SCML4: variants seen among roughly 807,000 people sequenced by gnomAD.
The protein encoded by SCML4 is Scm polycomb group protein like 4.
A neutral mutation model predicts 41.1 loss-of-function variants in SCML4; 34 were observed. The observed-to-expected ratio is 0.83, with a 90% confidence interval of 0.63 to 1.10. SCML4 has a LOEUF of 1.10. Ranked by LOEUF, SCML4 falls within the 50% of genes least tolerant of loss-of-function variation. The pLI, the probability that SCML4 is intolerant of heterozygous loss-of-function variation, is 0.00. For missense variants in SCML4, 522 were observed against 534.1 expected (o/e 0.98, Z 0.22); for synonymous variants, 214 against 220.9 (o/e 0.97, Z 0.28).
intron 1 of SCML4, among the ~76,000 whole-genome samples, chr6:107,816,618 G>A (rs1784567692): frequency 6.6e-6 from 1 of 152,208 alleles, no homozygotes; most frequent in African/African-American, 2.4e-5. Flanking sequence ...GAAGGATAGA[G>A]TCCTGTGCTG....
intron 1 of SCML4, among the ~76,000 whole-genome samples, chr6:107,820,338 T>A (rs1040890842): frequency 1.3e-5 from 2 of 152,194 alleles, no homozygotes; most frequent in Non-Finnish European, 2.9e-5. Context: ...CCTGAGGCTG[T>A]CCCTGAATGC....
chr6:107,841,689 T>G, the SCML4 span, among the ~76,000 whole-genome samples: 1 of 152,208 alleles, frequency 6.6e-6, no homozygotes, highest in Non-Finnish European at 1.5e-5. Flanking sequence ...TCATAAGCAC[T>G]CAATAAATGT....
intron 5 of SCML4, among the ~76,000 whole-genome samples, chr6:107,724,807 C>T (rs1463168765): frequency 6.6e-6 from 1 of 152,160 alleles, no homozygotes; most frequent in Non-Finnish European, 1.5e-5. Context: ...GCAAGGGACA[C>T]AGAATAGCCA....
rs1782526498 is a variant in SCML4 at position 107,793,933 on chromosome 6, C to T, written c.-59-21547G>A. On this transcript the variant is annotated intron_variant, in intron 1 of 7. Transcript: ENST00000369020. Reference sequence around the variant, plus strand: ...CAGCCTGGGCGACAGAGTGTGAGACCCTGTCTCAAAACAAAACTAAACTAA... The same window carrying T: ...CAGCCTGGGCGACAGAGTGTGAGACTCTGTCTCAAAACAAAACTAAACTAA... Among the ~76,000 whole-genome samples, 3 of 151,966 alleles carry T rather than the reference C, an allele frequency of 2.0e-5. No homozygotes were observed. In the South Asian group the frequency reaches 6.2e-4, roughly 32 times the overall value.
chr6:107,744,599 A>G, intron 5 of SCML4, among the ~76,000 whole-genome samples: 1 of 152,204 alleles, frequency 6.6e-6, no homozygotes, highest in Admixed American at 6.5e-5. Context: ...CTACTCAACA[A>G]TGACAAATGC....
intron 2 of SCML4, 76 bp from the exon 3 acceptor site, chr6:107,749,889 G>T: frequency 6.7e-7 from 1 of 1,489,998 alleles, no homozygotes; most frequent in Non-Finnish European, 9.3e-7. Context: ...GTCCTAGACG[G>T]CAGTTAACCA....
At position 107,703,343 on chromosome 6, in the gene SCML4, C is replaced by T. The variant is rs886539799; in HGVS notation, c.*1857G>A. 1.3e-5 allele frequency among the ~76,000 whole-genome samples: 2 copies of T among 152,204 alleles called. No individual in the cohort carries two copies. Among genetic ancestry groups the T allele is most frequent in the Non-Finnish European group, 2.9e-5 (2 of 68,038 alleles). ...CCCTTCCTGTAACAAAATCACCAGA[C>T]ATCAAGCTCTTCTACAATCTAATAA... On this transcript the variant is annotated 3_prime_UTR_variant, in exon 8 of 8. Coordinates refer to ENST00000369020, the MANE Select transcript of SCML4 (RefSeq NM_198081.5).
chr6:107,716,664 G>A (rs900652133), intron 6 of SCML4, among the ~76,000 whole-genome samples: 1 of 152,128 alleles, frequency 6.6e-6, no homozygotes, highest in African/African-American at 2.4e-5. Flanking sequence ...GGAGGAAAAA[G>A]GAGGGAGTGA....
At chr6:107,779,304 A>G (rs1167357293) in intron 1 of SCML4, among the ~76,000 whole-genome samples, 2 of 152,188 alleles carry the variant, frequency 1.3e-5, no homozygotes, top group Non-Finnish European at 2.9e-5. Flanking sequence ...TTTTGTATGA[A>G]ATGCTATGAG....
chr6:107,711,821 C>T (rs1431262176), intron 6 of SCML4, among the ~76,000 whole-genome samples: 2 of 152,250 alleles, frequency 1.3e-5, no homozygotes, highest in Admixed American at 6.5e-5. Context: ...GATCTCGGGG[C>T]ACAGTGGCTT....
At chr6:107,737,829 C>T (rs1777222031) in intron 5 of SCML4, among the ~76,000 whole-genome samples, 1 of 152,122 alleles carries the variant, frequency 6.6e-6, no homozygotes, top group African/African-American at 2.4e-5. Flanking sequence ...CCTAAAAGCC[C>T]TACCTTCAGC....
chr6:107,840,919 C>G, the SCML4 span, among the ~76,000 whole-genome samples: 2 of 151,864 alleles, frequency 1.3e-5, no homozygotes, highest in Non-Finnish European at 2.9e-5. Flanking sequence ...TCTCTGGGGC[C>G]CTCAGAGTGG....
In SCML4 at chr6:107,745,124, G is replaced by C; in HGVS notation, c.507C>G (p.Gly169=). ...CAGGCAGGCTCCGCAGGTGCTGTTT[G>C]CCATCAAAGGAAGCCGAGACTGGAA... ...EMVSVSASFD[G]KQHLRSLPVV... The change falls in exon 5 of 8, where the codon GGC becomes GGG. Residue 169 remains glycine, a synonymous_variant. Coordinates refer to ENST00000369020, the MANE Select transcript of SCML4 (RefSeq NM_198081.5). 3.1e-6 allele frequency: 5 copies of C among 1,587,864 alleles called. No individual in the cohort carries two copies. Among genetic ancestry groups the C allele is most frequent in the Non-Finnish European group, 4.3e-6 (5 of 1,166,734 alleles).
At chr6:107,755,671 A>G in intron 2 of SCML4, 1 of 1,289,976 alleles carries the variant, frequency 7.8e-7, no homozygotes, top group Non-Finnish European at 1.0e-6. Flanking sequence ...GTTTCTAAAA[A>G]AAAAAAAAAA....
At chr6:107,792,385 C>T (rs1782395791) in intron 1 of SCML4, among the ~76,000 whole-genome samples, 1 of 152,284 alleles carries the variant, frequency 6.6e-6, no homozygotes, top group African/African-American at 2.4e-5. Flanking sequence ...TTCAGGATTG[C>T]AATTCAGAAA....
intron 5 of SCML4, among the ~76,000 whole-genome samples, chr6:107,736,152 G>A (rs772568376): frequency 1.3e-5 from 2 of 152,192 alleles, no homozygotes; most frequent in Non-Finnish European, 2.9e-5. Context: ...ACAAGGACAC[G>A]GGGAAAACAT....
At chr6:107,758,174 C>A (rs1188208338) in intron 2 of SCML4, among the ~76,000 whole-genome samples, 1 of 152,172 alleles carries the variant, frequency 6.6e-6, no homozygotes, top group East Asian at 1.9e-4. Context: ...GGAAGATAAA[C>A]TTCTTGTTCT....
At chr6:107,796,151 C>T (rs113034677) in intron 1 of SCML4, among the ~76,000 whole-genome samples, 1 of 151,926 alleles carries the variant, frequency 6.6e-6, no homozygotes, top group Non-Finnish European at 1.5e-5. Flanking sequence ...CTCTACAAGT[C>T]TTTTGTGGAC....
the SCML4 span, among the ~76,000 whole-genome samples, chr6:107,838,633 G>C: frequency 6.6e-6 from 1 of 152,180 alleles, no homozygotes; most frequent in Non-Finnish European, 1.5e-5. Context: ...AATGGACCTA[G>C]AGAGTTGCCC....
Sources: gnomAD v4.1 joint callset for allele counts (sites outside exome capture counted in the v4.1 genomes callset) on GRCh38, gnomAD v4.1.1 for gene constraint, MANE v1.5 for transcripts, NCBI Gene and HGNC (gene_info 2026-07-23, HGNC 2026-07-21) for gene names.